Variants in LVRN observed in about 807,000 individuals in gnomAD.
The protein encoded by LVRN is laeverin.
In LVRN, 99 loss-of-function variants were observed where a neutral mutation model predicts 111.4. That is an observed-to-expected ratio of 0.89 (90% CI 0.76 to 1.05). LVRN has a LOEUF of 1.05. Among genes scored for constraint, LVRN ranks in the 50% least tolerant of loss-of-function variants. The pLI, the probability that LVRN is intolerant of heterozygous loss-of-function variation, is 0.00. For missense variants in LVRN, 1,414 were observed against 1,206.8 expected (o/e 1.17, Z -2.54); for synonymous variants, 488 against 449.5 (o/e 1.09, Z -1.08).
rs895388185 is a variant in LVRN, at chr5:116,026,590, C to G, written c.*472C>G. ...ATGACAATATAAAAAGACAGAAACT[C>G]AAAAAGTATATTCACTAGAAGACAG... On this transcript the variant is annotated 3_prime_UTR_variant, in exon 20 of 20. Coordinates refer to ENST00000357872, the MANE Select transcript of LVRN (RefSeq NM_173800.5). 1 of 179,010 alleles carries G rather than the reference C, an allele frequency of 5.6e-6. No individual in the cohort carries two copies. The highest frequency in any genetic ancestry group is 2.4e-5 in the African/African-American group (1 of 41,510). The allele number at this position is 179,010 out of a possible 1,614,324, so 11.1% of individuals were successfully genotyped here. A position where few individuals can be genotyped will look rare whatever the true frequency, so the allele number is the denominator to read the frequency against.
Position 116,010,890 on chromosome 5 carries a change from T to G in LVRN, c.2243T>G (p.Leu748Ter). 2.6e-6 allele frequency: 4 copies of G among 1,559,782 alleles called. No homozygotes were observed. Among genetic ancestry groups the G allele is most frequent in the Middle Eastern group, 1.9e-4 (1 of 5,260 alleles). The stretch of plus-strand genomic sequence containing the variant: ...AACATCTATGATATATACTCATTAT[T>G]AAAGGTAATTTCATTCTTTCTTATG... ...EVNIYDIYSL[L>*]KRYLLKRLNL... The change falls in exon 14 of 20, where the codon TTA (leucine) becomes TGA (stop). Residue 748 changes from leucine to a stop codon, truncating the protein, a stop_gained. Coordinates refer to ENST00000357872, the MANE Select transcript of LVRN (RefSeq NM_173800.5). LOFTEE classifies it high-confidence loss of function.
chr5:115,974,270 T>A (rs1466689240), intron 1 of LVRN, among the ~76,000 whole-genome samples: 1 of 152,186 alleles, frequency 6.6e-6, no homozygotes, highest in East Asian at 1.9e-4. Flanking sequence ...CATTACCAAG[T>A]TGTTCATAGG....
chr5:116,005,705 T>A, intron 12 of LVRN: 1 of 635,562 alleles, frequency 1.6e-6, no homozygotes, highest in Non-Finnish European at 2.9e-6. Context: ...ATGATTGATG[T>A]CCAGAGGGTT....
rs1748749935 is a variant in LVRN at position 116,022,440 on chromosome 5, G to GT, written c.2807dup (p.Thr937AsnfsTer15). 1.2e-5 allele frequency: 19 copies of GT among 1,558,678 alleles called. No homozygotes were observed. The highest frequency in any genetic ancestry group is 1.7e-5 in the Non-Finnish European group (19 of 1,144,224). On this transcript the variant is annotated frameshift_variant, in exon 19 of 20. Coordinates refer to ENST00000357872, the MANE Select transcript of LVRN (RefSeq NM_173800.5). LOFTEE classifies it low-confidence loss of function (END_TRUNC). ...TCTAATATATACAATAGGGAGAACC[G>GT]TAACTACAGATTTACAGATTGTGGA...
At chr5:116,020,426 C>T (rs1409478770) in intron 18 of LVRN, among the ~76,000 whole-genome samples, 1 of 152,194 alleles carries the variant, frequency 6.6e-6, no homozygotes, top group East Asian at 1.9e-4. Flanking sequence ...AGAAAAACCA[C>T]TTTTATTTGA....
intron 3 of LVRN, 21 bp from the exon 4 acceptor site, chr5:115,987,792 T>C (rs10519436): frequency 0.16 from 260,878 of 1,604,286 alleles, 23,465 homozygotes; most frequent in East Asian, 0.38. Flanking sequence ...TCCTAATCAC[T>C]GCTTAACTGT....
At chr5:115,982,899 C>T (rs560488486) in intron 1 of LVRN, among the ~76,000 whole-genome samples, 2 of 152,196 alleles carry the variant, frequency 1.3e-5, no homozygotes, top group South Asian at 2.1e-4. Flanking sequence ...CTGACTTTTA[C>T]TTTAGTGGAA....
At chr5:115,966,131 C>T (rs974373811) in intron 1 of LVRN, among the ~76,000 whole-genome samples, 3 of 152,188 alleles carry the variant, frequency 2.0e-5, no homozygotes, top group African/African-American at 4.8e-5. Context: ...TTATCATATG[C>T]GTACATTTGC....
Position 115,963,185 on chromosome 5 carries a change from CTG to C in LVRN, c.569_570del (p.Leu190ArgfsTer4). The C allele has an allele frequency of 6.2e-7, 1 of 1,612,848 alleles. No homozygotes were observed. The highest frequency in any genetic ancestry group is 8.5e-7 in the Non-Finnish European group (1 of 1,179,778). On this transcript the variant is annotated frameshift_variant, in exon 1 of 20. Transcript: ENST00000357872. LOFTEE classifies it high-confidence loss of function. ...WFALDTEYMV[L>X]ELSEPLKPGS... ...CGCGCTGGACACGGAATACATGGTGCTGGAGCTCAGTGAGCCCCTGAAACCTG... is the reference window on the plus strand; with the variant it reads ...CGCGCTGGACACGGAATACATGGTGCGAGCTCAGTGAGCCCCTGAAACCTG...
intron 1 of LVRN, among the ~76,000 whole-genome samples, chr5:115,972,584 T>A (rs1316392776): frequency 6.6e-6 from 1 of 152,018 alleles, no homozygotes; most frequent in Non-Finnish European, 1.5e-5. Flanking sequence ...CTTTTATTTA[T>A]TTTTCTTGCC....
chr5:115,978,160 T>C (rs749574426), intron 1 of LVRN, among the ~76,000 whole-genome samples: 5 of 152,068 alleles, frequency 3.3e-5, no homozygotes, highest in Non-Finnish European at 7.4e-5. Flanking sequence ...AAGAGAGAAA[T>C]TTGAGCAGTA....
At chr5:116,019,779 G>A (rs1748675383) in intron 18 of LVRN, 1 of 152,244 alleles carries the variant, frequency 6.6e-6, no homozygotes, top group Non-Finnish European at 1.5e-5. Flanking sequence ...TCTACAGGGT[G>A]AGAGACAGAC....
Position 115,987,908 on chromosome 5 carries a change from G to A in LVRN, c.1074G>A (p.Leu358=). ...TGPIFSFLED[L]FNISYSLPKT... ...CCATCTTCTCTTTTCTGGAGGATTT[G>A]TTTAATATCAGTTACTCTCTTCCAA... The change falls in exon 4 of 20, where the codon TTG becomes TTA. Residue 358 remains leucine (L), a synonymous_variant. Transcript: ENST00000357872. 6.2e-7 allele frequency: 1 copy of A among 1,612,814 alleles called. No individual in the cohort carries two copies. The highest frequency in any genetic ancestry group is 8.5e-7 in the Non-Finnish European group (1 of 1,179,438).
At chr5:116,017,751 T>C (rs1305199967) in intron 18 of LVRN, among the ~76,000 whole-genome samples, 1 of 152,232 alleles carries the variant, frequency 6.6e-6, no homozygotes, top group African/African-American at 2.4e-5. Context: ...AATGTGCTAT[T>C]TAAAGTGATT....
Position 116,015,411 on chromosome 5 carries a change from A to G in LVRN, c.2610A>G (p.Ile870Met). The G allele has an allele frequency of 6.5e-7, 1 of 1,535,486 alleles. No individual in the cohort carries two copies. Among genetic ancestry groups the G allele is most frequent in the South Asian group, 1.2e-5 (1 of 80,320 alleles). ...TGAGCTGCAGCAAAGACCCATGGAT[A>G]CTTAACAGGTGATTATGGTCAACTT... ...YAMSCSKDPWILNRYMEYAIS... is the reference protein window; with the variant it reads ...YAMSCSKDPWMLNRYMEYAIS... The change falls in exon 17 of 20, where the codon ATA becomes ATG. Residue 870 changes from isoleucine (I) to methionine (M), a missense_variant. Coordinates refer to ENST00000357872, the MANE Select transcript of LVRN (RefSeq NM_173800.5).
chr5:115,973,022 G>A (rs1753360437), intron 1 of LVRN, among the ~76,000 whole-genome samples: 1 of 151,836 alleles, frequency 6.6e-6, no homozygotes, highest in African/African-American at 2.4e-5. Context: ...TTGACTTCCA[G>A]GGCTCAGGTG....
intron 1 of LVRN, among the ~76,000 whole-genome samples, chr5:115,972,568 C>T (rs578210018): frequency 6.6e-6 from 1 of 151,974 alleles, no homozygotes; most frequent in Non-Finnish European, 1.5e-5. Context: ...ACTTTAGTTT[C>T]AACGCCTTTT....
At chr5:115,993,697 A>G in intron 5 of LVRN, 44 bp from the exon 6 acceptor site, 1 of 1,278,670 alleles carries the variant, frequency 7.8e-7, no homozygotes, top group Non-Finnish European at 1.1e-6. Context: ...ATAACTTAAA[A>G]ATTAAATTTA....
Position 115,963,284 on chromosome 5 carries a change from A to G in LVRN, c.667A>G (p.Asn223Asp). ...KEDLREGLFL[N>D]VYTDQGERRA... ...AGACCTCAGGGAGGGACTCTTCCTC[A>G]ACGTCTACACCGACCAGGGCGAGCG... Residue 223 changes from asparagine to aspartate, a missense_variant, in exon 1 of 20, where the codon AAC becomes GAC. Asn to Asp is a conservative substitution (Grantham distance 23). Transcript: ENST00000357872. The G allele has an allele frequency of 6.2e-7, 1 of 1,611,916 alleles. No homozygotes were observed. The highest frequency in any genetic ancestry group is 8.5e-7 in the Non-Finnish European group (1 of 1,179,684).
Sources: allele counts gnomAD v4.1 joint callset (sites outside exome capture counted in the v4.1 genomes callset), GRCh38; gene constraint gnomAD v4.1.1; transcripts MANE v1.5; gene names NCBI Gene and HGNC (gene_info 2026-07-23, HGNC 2026-07-21).